The following PTPRG variants were observed in gnomAD, a reference collection of about 807,000 sequenced individuals.
PTPRG encodes the protein receptor-type tyrosine-protein phosphatase gamma.
In PTPRG, 102 loss-of-function variants were observed where a neutral mutation model predicts 165.3. The observed-to-expected ratio is 0.62, with a 90% CI of 0.53 to 0.73. PTPRG has a LOEUF of 0.73. PTPRG is among the 30% of genes least tolerant of loss of function. PTPRG has a pLI of 0.00. For synonymous variants in PTPRG, 675 were observed against 669.5 expected (o/e 1.01, Z -0.13); for missense variants, 1,866 against 1,861.4 (o/e 1.00, Z -0.05).
intron 2 of PTPRG, among the ~76,000 whole-genome samples, chr3:61,808,663 C>T (rs767860947): frequency 3.3e-5 from 5 of 152,240 alleles, no homozygotes; most frequent in Admixed American, 6.5e-5. Flanking sequence ...AAATCTTTGG[C>T]ACATACGTTG....
intron 2 of PTPRG, among the ~76,000 whole-genome samples, chr3:61,972,104 T>A (rs1406396253): frequency 1.3e-5 from 2 of 152,228 alleles, no homozygotes; most frequent in Non-Finnish European, 2.9e-5. Context: ...GAAAGCACAA[T>A]GGAAGACGGT....
rs754917968 is a variant in PTPRG at position 61,648,859 on chromosome 3, T to C, written c.85+86487T>C. ...GTTGGGGGCTGCTGGTGAGGCAATC[T>C]CCACTTTAAAGATTCTGATCTTTGT... is the stretch of plus-strand genomic sequence containing the variant. On this transcript the variant is annotated intron_variant, in intron 1 of 29. Coordinates refer to ENST00000474889, the MANE Select transcript of PTPRG (RefSeq NM_002841.4). Among the ~76,000 whole-genome samples, 163 of 152,366 alleles carry C rather than the reference T, an allele frequency of 1.1e-3. 3 individuals carry two copies. The highest frequency in any genetic ancestry group is 1.2e-3 in the Non-Finnish European group (80 of 68,036).
chr3:61,736,443 A>T (rs190241282), intron 1 of PTPRG, among the ~76,000 whole-genome samples: 37 of 147,686 alleles, frequency 2.5e-4, no homozygotes, highest in African/African-American at 9.4e-4. Context: ...GATTCTCATT[A>T]ACTATTATCT....
In PTPRG at chr3:62,203,803, A is replaced by G; in HGVS notation, c.2008A>G (p.Met670Val). ...RDAGPGLDPDMVTSTQVPPTA... is the reference protein window; with the variant it reads ...RDAGPGLDPDVVTSTQVPPTA... ...TGCCGGCCCAGGCCTGGACCCCGAC[A>G]TGGTCACCTCCACCCAAGTGCCCCC... The change falls in exon 12 of 30, where the codon ATG becomes GTG. Residue 670 changes from methionine to valine, a missense_variant. Transcript: ENST00000474889. This position sits in a 1 kb window ranked among gnomAD's most constrained non-coding sequence, Gnocchi z 6.4. The G allele has an allele frequency of 6.2e-7, 1 of 1,613,884 alleles. No homozygotes were observed. Among genetic ancestry groups the G allele is most frequent in the Non-Finnish European group, 8.5e-7 (1 of 1,179,908 alleles).
intron 2 of PTPRG, among the ~76,000 whole-genome samples, chr3:61,811,766 C>A (rs2035584316): frequency 6.6e-6 from 1 of 152,156 alleles, no homozygotes; most frequent in South Asian, 2.1e-4. Context: ...TACCATGGAC[C>A]TTTTCCAAAT....
At chr3:62,264,472 G>T (rs1471437833) in intron 17 of PTPRG, among the ~76,000 whole-genome samples, 1 of 152,074 alleles carries the variant, frequency 6.6e-6, no homozygotes, top group African/African-American at 2.4e-5. Flanking sequence ...CCAGCACTTA[G>T]AAACCCTGTA....
At chr3:62,073,532 G>A (rs1363115645) in intron 4 of PTPRG, among the ~76,000 whole-genome samples, 1 of 151,988 alleles carries the variant, frequency 6.6e-6, no homozygotes, top group Admixed American at 6.6e-5. Flanking sequence ...AGGCTGGAGT[G>A]CAGTGGCGCA....
At position 61,589,925 on chromosome 3, in the gene PTPRG, C is replaced by T. The variant is rs544762081; in HGVS notation, c.85+27553C>T. 3.9e-5 allele frequency among the ~76,000 whole-genome samples: 6 copies of T among 152,190 alleles called. No homozygotes were observed. In the East Asian group the frequency reaches 1.2e-3, roughly 29 times the overall value. ...ATAGAAAACAGCCACTCACATTTGG[C>T]TAGAGCAAGAGACCCACAGTTTAGG... On this transcript the variant is annotated intron_variant, in intron 1 of 29. Transcript: ENST00000474889.
intron 4 of PTPRG, among the ~76,000 whole-genome samples, chr3:62,047,420 T>G (rs911149745): frequency 2.8e-4 from 42 of 152,168 alleles, no homozygotes; most frequent in Admixed American, 6.5e-4. Flanking sequence ...CCACCACGCC[T>G]GGCTAATTTT....
chr3:61,663,996 G>A (rs1051240982), intron 1 of PTPRG, among the ~76,000 whole-genome samples: 1 of 152,178 alleles, frequency 6.6e-6, no homozygotes, highest in African/African-American at 2.4e-5. Flanking sequence ...CACTTACACA[G>A]TAGGCAGGCA....
intron 4 of PTPRG, among the ~76,000 whole-genome samples, chr3:62,006,195 G>A (rs1259698356): frequency 6.6e-6 from 1 of 152,002 alleles, no homozygotes; most frequent in Non-Finnish European, 1.5e-5. Flanking sequence ...TATCAATTGG[G>A]TTTCTCATTG....
intron 1 of PTPRG, among the ~76,000 whole-genome samples, chr3:61,704,879 C>T (rs1333846036): frequency 1.3e-5 from 2 of 152,208 alleles, no homozygotes; most frequent in East Asian, 1.9e-4. Flanking sequence ...GTAGCTTCTG[C>T]CTGGCCCCCG....
chr3:61,818,201 A>G (rs1052941364), intron 2 of PTPRG, among the ~76,000 whole-genome samples: 7 of 152,224 alleles, frequency 4.6e-5, no homozygotes, highest in African/African-American at 1.2e-4. Context: ...TATTCCAAAA[A>G]AAGGAAATAC....
rs147223563 is a variant in PTPRG, at chr3:61,733,912, C to G, written c.86-14966C>G. The stretch of plus-strand genomic sequence containing the variant: ...TGCCAGGCTCAAGCGGTCCTCACAC[C>G]TCAGCCTCCCAAGTAGCTGGGATTA... On this transcript the variant is annotated intron_variant, in intron 1 of 29. Transcript: ENST00000474889. Among the ~76,000 whole-genome samples the G allele has an allele frequency of 7.3e-3, 1,113 of 152,328 alleles. 18 individuals carry two copies. Among genetic ancestry groups the G allele is most frequent in the South Asian group, 0.03 (145 of 4,822 alleles).
chr3:61,593,643 A>G (rs1700628028), intron 1 of PTPRG, among the ~76,000 whole-genome samples: 1 of 150,980 alleles, frequency 6.6e-6, no homozygotes, highest in African/African-American at 2.4e-5. Flanking sequence ...TGTTCTCTTC[A>G]TTTCCTTTCA....
chr3:61,727,046 CAA>C (rs35873334), intron 1 of PTPRG, among the ~76,000 whole-genome samples: 22 of 105,800 alleles, frequency 2.1e-4, no homozygotes, highest in Admixed American at 2.9e-4. Context: ...GACTCCGTCT[CAA>C]AAAAAAAAAA....
intron 28 of PTPRG, among the ~76,000 whole-genome samples, chr3:62,285,623 G>A (rs758498484): frequency 6.6e-6 from 1 of 151,312 alleles, no homozygotes; most frequent in African/African-American, 2.4e-5. Flanking sequence ...GCTTCTATTT[G>A]AGGACAGGCA....
chr3:61,563,536 G>A (rs1466651098), intron 1 of PTPRG, among the ~76,000 whole-genome samples: 1 of 152,170 alleles, frequency 6.6e-6, no homozygotes, highest in Non-Finnish European at 1.5e-5. Context: ...CCCGGGGAAG[G>A]GCTGGAAGAA....
At chr3:62,021,097 G>T (rs1240232581) in intron 4 of PTPRG, among the ~76,000 whole-genome samples, 2 of 151,646 alleles carry the variant, frequency 1.3e-5, no homozygotes, top group Non-Finnish European at 2.9e-5. Flanking sequence ...TCCCTCATCA[G>T]TAAAATGACT....
Sources: allele counts gnomAD v4.1 joint callset (sites outside exome capture counted in the v4.1 genomes callset), GRCh38; gene constraint gnomAD v4.1.1; non-coding constraint Gnocchi (gnomAD v3.1); transcripts MANE v1.5; gene names NCBI Gene and HGNC (gene_info 2026-07-23, HGNC 2026-07-21).